Variants in BABAM2 observed in about 807,000 individuals in gnomAD.
The protein encoded by BABAM2 is BRISC and BRCA1-A complex member 2.
BABAM2 carries 31 observed loss-of-function variants against 54.7 expected under a neutral mutation model. The ratio of observed to expected loss-of-function variants is 0.57; its 90% CI spans 0.43 to 0.77. BABAM2 has a LOEUF of 0.77. Ranked by LOEUF, BABAM2 falls within the 30% of genes least tolerant of loss-of-function variation. The probability of loss-of-function intolerance (pLI) is 0.00; values close to 1 mark genes in which losing one functional copy is unlikely to be tolerated. For synonymous variants in BABAM2, 167 were observed against 162.9 expected (o/e 1.03, Z -0.19); for missense variants, 364 against 455.8 (o/e 0.80, Z 1.83).
intron 5 of BABAM2, among the ~76,000 whole-genome samples, chr2:28,043,686 A>ATGG (rs1483269211): frequency 1.3e-5 from 2 of 152,208 alleles, no homozygotes; most frequent in Non-Finnish European, 2.9e-5. Flanking sequence ...TTACCAGAGT[A>ATGG]TGTTAGTTTT....
In BABAM2 at chr2:28,319,406, C is replaced by T. The variant is rs191861289; in HGVS notation, c.1089-19044C>T. On this transcript the variant is annotated intron_variant, in intron 11 of 11. Transcript: ENST00000379624. Reference sequence around the variant, plus strand: ...AGAGCACAGGCTCAATTTCAGCCCCCGTTTGCTCTCTTGGCCTGATGCCTT... The same window carrying T: ...AGAGCACAGGCTCAATTTCAGCCCCTGTTTGCTCTCTTGGCCTGATGCCTT... 6.2e-4 allele frequency among the ~76,000 whole-genome samples: 94 copies of T among 152,366 alleles called. 1 individual carries two copies. The highest frequency in any genetic ancestry group is 2.3e-3 in the South Asian group (11 of 4,828).
chr2:28,069,933 G>C (rs1324035139), intron 6 of BABAM2, among the ~76,000 whole-genome samples: 1 of 152,160 alleles, frequency 6.6e-6, no homozygotes, highest in Non-Finnish European at 1.5e-5. Context: ...GGATCACAGA[G>C]GTTTAATTCA....
At chr2:28,165,796 A>C (rs1445674850) in intron 7 of BABAM2, among the ~76,000 whole-genome samples, 1 of 152,090 alleles carries the variant, frequency 6.6e-6, no homozygotes, top group Non-Finnish European at 1.5e-5. Flanking sequence ...TCAGCCTCCC[A>C]TAATGCTGTG....
intron 10 of BABAM2, among the ~76,000 whole-genome samples, chr2:28,253,934 C>T (rs1391202539): frequency 6.6e-6 from 1 of 152,160 alleles, no homozygotes; most frequent in Middle Eastern, 3.2e-3. Flanking sequence ...GGTAGGGATT[C>T]ATTTTTGGCC....
At chr2:28,227,210 G>A (rs774567460) in intron 7 of BABAM2, among the ~76,000 whole-genome samples, 13 of 151,534 alleles carry the variant, frequency 8.6e-5, no homozygotes, top group Non-Finnish European at 1.6e-4. Flanking sequence ...TTAACCTCAC[G>A]TTTTCTTTCC....
At chr2:27,956,077 T>C (rs1313763208) in intron 3 of BABAM2, among the ~76,000 whole-genome samples, 1 of 152,158 alleles carries the variant, frequency 6.6e-6, no homozygotes, top group Admixed American at 6.5e-5. Flanking sequence ...GCATGAATTA[T>C]TTTAAATGGT....
intron 10 of BABAM2, 88 bp from the exon 11 acceptor site, chr2:28,298,250 C>G (rs768801641): frequency 1.2e-5 from 16 of 1,390,734 alleles, no homozygotes; most frequent in Non-Finnish European, 1.6e-5. Flanking sequence ...AATAGAGTTT[C>G]GTACCTAACA....
intron 6 of BABAM2, among the ~76,000 whole-genome samples, chr2:28,127,892 C>T (rs188777482): frequency 1.3e-5 from 2 of 151,658 alleles, no homozygotes; most frequent in African/African-American, 2.4e-5. Context: ...CTGCAAGCTC[C>T]GCCTCCCGGG....
intron 11 of BABAM2, among the ~76,000 whole-genome samples, chr2:28,310,620 A>T (rs1465756197): frequency 6.6e-6 from 1 of 152,206 alleles, no homozygotes; most frequent in African/African-American, 2.4e-5. Flanking sequence ...GTGGTGGCTC[A>T]CACCTGTAAT....
chr2:28,128,075 G>C (rs1573637641), intron 6 of BABAM2, among the ~76,000 whole-genome samples: 1 of 152,136 alleles, frequency 6.6e-6, no homozygotes, highest in South Asian at 2.1e-4. Flanking sequence ...GCCTCCCAAA[G>C]TGCTGGGATT....
intron 10 of BABAM2, among the ~76,000 whole-genome samples, chr2:28,272,085 G>C (rs2148165253): frequency 6.6e-6 from 1 of 152,302 alleles, no homozygotes; most frequent in Middle Eastern, 3.4e-3. Flanking sequence ...CCAAGAGGAG[G>C]TGGTTTTAAG....
At chr2:27,911,808 G>A (rs1278843510) in intron 2 of BABAM2, among the ~76,000 whole-genome samples, 1 of 152,078 alleles carries the variant, frequency 6.6e-6, no homozygotes, top group African/African-American at 2.4e-5. Flanking sequence ...TCCACTAGCA[G>A]CCATTTATAT....
chr2:27,981,173 G>C (rs1003725067), intron 3 of BABAM2, among the ~76,000 whole-genome samples: 1 of 151,890 alleles, frequency 6.6e-6, no homozygotes, highest in Non-Finnish European at 1.5e-5. Context: ...CTTTTATAAA[G>C]GGCTCATTGC....
chr2:28,025,405 G>GAA lies in BABAM2; in HGVS notation c.487_488dup (p.Asn163LysfsTer14). On this transcript the variant is annotated frameshift_variant, in exon 5 of 12. Coordinates refer to ENST00000379624, the MANE Select transcript of BABAM2 (RefSeq NM_199191.3). LOFTEE classifies it high-confidence loss of function. Reference sequence around the variant, plus strand: ...GAGAGAACATGGAAATTTATGCTGGGAAAAAAAACAACTGGGTAAGGATTT... The same window carrying GAA: ...GAGAGAACATGGAAATTTATGCTGGGAAAAAAAAAACAACTGGGTAAGGATTT... 1 of 1,504,242 alleles carries GAA rather than the reference G, an allele frequency of 6.6e-7. No homozygotes were observed. Among genetic ancestry groups the GAA allele is most frequent in the African/African-American group, 1.4e-5 (1 of 69,528 alleles). The allele number at this position is 1,504,242 out of a possible 1,614,324, so 93.2% of individuals were successfully genotyped here.
intron 2 of BABAM2, among the ~76,000 whole-genome samples, chr2:27,919,492 T>G (rs961083876): frequency 3.3e-5 from 5 of 152,314 alleles, no homozygotes; most frequent in Non-Finnish European, 7.4e-5. Context: ...TTTTTGTAGA[T>G]AGCTTTGATC....
chr2:28,128,747 A>G (rs1180683879), intron 6 of BABAM2, among the ~76,000 whole-genome samples: 1 of 152,142 alleles, frequency 6.6e-6, no homozygotes, highest in Non-Finnish European at 1.5e-5. Context: ...TGAATCATCC[A>G]TTATCATTTT....
At chr2:28,123,284 C>T (rs1041945765) in intron 6 of BABAM2, among the ~76,000 whole-genome samples, 1 of 152,210 alleles carries the variant, frequency 6.6e-6, no homozygotes, top group Non-Finnish European at 1.5e-5. Flanking sequence ...GCCAGATCCA[C>T]TGTTACATCT....
Position 28,304,767 on chromosome 2 carries a change from A to G in BABAM2, c.1088+6276A>G, listed in dbSNP as rs1252371228. Among the ~76,000 whole-genome samples the G allele has an allele frequency of 6.6e-6, 1 of 151,980 alleles. No individual in the cohort carries two copies. Among genetic ancestry groups the G allele is most frequent in the Non-Finnish European group, 1.5e-5 (1 of 67,986 alleles). On this transcript the variant is annotated intron_variant, in intron 11 of 11. Transcript: ENST00000379624. The surrounding 1 kb of genome is among the most constrained non-coding windows in gnomAD (Gnocchi z 4.0). ...ATTTTTTGTATTTTTTTTTTAGTAG[A>G]GACGGAGTTTTACCATGTTGCCCAG...
At chr2:28,183,377 G>A (rs1017558086) in intron 7 of BABAM2, among the ~76,000 whole-genome samples, 19 of 152,116 alleles carry the variant, frequency 1.2e-4, no homozygotes, top group African/African-American at 4.3e-4. Flanking sequence ...GGAGGCAGAG[G>A]TTGCAGTGAG....
Sources: allele counts gnomAD v4.1 joint callset (sites outside exome capture counted in the v4.1 genomes callset), GRCh38; gene constraint gnomAD v4.1.1; non-coding constraint Gnocchi (gnomAD v3.1); transcripts MANE v1.5; gene names NCBI Gene and HGNC (gene_info 2026-07-23, HGNC 2026-07-21).